Variants in CNTNAP5 observed in about 807,000 individuals in gnomAD.
The protein encoded by CNTNAP5 is contactin-associated protein-like 5.
A neutral mutation model predicts 150.2 loss-of-function variants in CNTNAP5; 72 were observed. That is an observed-to-expected ratio of 0.48 (90% CI 0.40 to 0.58). The LOEUF is 0.58. CNTNAP5 is among the 20% of genes least tolerant of loss of function. The pLI is 0.00. For synonymous variants in CNTNAP5, 672 were observed against 619.8 expected (o/e 1.08, Z -1.25); for missense variants, 1,636 against 1,626.2 (o/e 1.01, Z -0.10).
chr2:124,499,814 G>T (rs367704063), intron 7 of CNTNAP5, among the ~76,000 whole-genome samples: 3 of 152,082 alleles, frequency 2.0e-5, no homozygotes, highest in South Asian at 4.2e-4. Context: ...GAAAAGTAGG[G>T]CCAGGATCTC....
chr2:124,655,139 C>T (rs919923137), intron 13 of CNTNAP5, among the ~76,000 whole-genome samples: 2 of 152,016 alleles, frequency 1.3e-5, no homozygotes, highest in African/African-American at 4.8e-5. Context: ...TGCTCTCTGT[C>T]CCCTTTCCCC....
At chr2:124,368,103 T>A (rs1006764732) in intron 3 of CNTNAP5, among the ~76,000 whole-genome samples, 2 of 152,196 alleles carry the variant, frequency 1.3e-5, no homozygotes, top group Admixed American at 6.6e-5. Flanking sequence ...CACTAGCCCA[T>A]GCGTTAGCCT....
chr2:124,124,861 G>T (rs942996964), intron 1 of CNTNAP5, among the ~76,000 whole-genome samples: 1 of 152,176 alleles, frequency 6.6e-6, no homozygotes, highest in African/African-American at 2.4e-5. Context: ...ACAAACAAAT[G>T]CTGAGAGATT....
intron 3 of CNTNAP5, among the ~76,000 whole-genome samples, chr2:124,243,638 T>A (rs1468052189): frequency 6.6e-6 from 1 of 151,908 alleles, no homozygotes; most frequent in Non-Finnish European, 1.5e-5. Flanking sequence ...GAGGGGAAAA[T>A]AGACACCACA....
intron 3 of CNTNAP5, among the ~76,000 whole-genome samples, chr2:124,410,196 G>A (rs1466549033): frequency 1.7e-4 from 26 of 150,048 alleles, no homozygotes; most frequent in Non-Finnish European, 3.4e-4. Context: ...AAATATATAT[G>A]CACCCAATAC....
chr2:124,543,648 A>G (rs576542849), intron 10 of CNTNAP5, among the ~76,000 whole-genome samples: 304 of 152,334 alleles, frequency 2.0e-3, no homozygotes, highest in Non-Finnish European at 3.4e-3. Flanking sequence ...GATACGGTCC[A>G]TACACTGCCA....
chr2:124,696,755 G>A (rs989464185), intron 13 of CNTNAP5, among the ~76,000 whole-genome samples: 1 of 152,174 alleles, frequency 6.6e-6, no homozygotes, highest in South Asian at 2.1e-4. Context: ...ATTCTCAAAC[G>A]TATGCCCAGT....
intron 13 of CNTNAP5, among the ~76,000 whole-genome samples, chr2:124,666,930 G>A (rs567460711): frequency 2.3e-4 from 24 of 103,022 alleles, no homozygotes; most frequent in Non-Finnish European, 3.6e-4. Flanking sequence ...GTTCAGGATG[G>A]TGCATAACTA....
At position 124,434,625 on chromosome 2, in the gene CNTNAP5, A is replaced by C. The variant is rs1451854488; in HGVS notation, c.671A>C (p.Gln224Pro). The change falls in exon 5 of 24, where the codon CAG becomes CCG. Residue 224 changes from glutamine to proline, a missense_variant. Physicochemically the swap from Gln to Pro is moderately conservative, Grantham distance 76. Coordinates refer to ENST00000682447, the MANE Select transcript of CNTNAP5 (RefSeq NM_001367498.1). Reference protein sequence around the residue: ...GDGVLFHGEGQRGDHITLELQ... With the variant: ...GDGVLFHGEGPRGDHITLELQ... The stretch of plus-strand genomic sequence containing the variant: ...GGGGTCCTGTTCCATGGAGAAGGTC[A>C]GCGTGGAGACCACATCACCTTGGAA... The C allele has an allele frequency of 1.2e-6, 2 of 1,613,902 alleles. No individual in the cohort carries two copies. The highest frequency in any genetic ancestry group is 3.3e-5 in the Admixed American group (2 of 59,996).
At chr2:124,262,761 T>A (rs549972694) in intron 3 of CNTNAP5, among the ~76,000 whole-genome samples, 1 of 151,842 alleles carries the variant, frequency 6.6e-6, no homozygotes, top group Admixed American at 6.6e-5. Context: ...TAACTTGTCA[T>A]TTACATTGGG....
At chr2:124,232,000 T>A (rs1328649323) in intron 2 of CNTNAP5, among the ~76,000 whole-genome samples, 1 of 152,156 alleles carries the variant, frequency 6.6e-6, no homozygotes, top group African/African-American at 2.4e-5. Flanking sequence ...ACTTCATCCT[T>A]TACTTTTTTT....
intron 1 of CNTNAP5, among the ~76,000 whole-genome samples, chr2:124,129,257 A>T (rs2104599808): frequency 6.6e-6 from 1 of 152,318 alleles, no homozygotes; most frequent in East Asian, 1.9e-4. Flanking sequence ...AAAAAAAAGT[A>T]GATGAAGGTG....
chr2:124,755,270 A>G (rs1332943812), intron 14 of CNTNAP5, among the ~76,000 whole-genome samples: 1 of 152,152 alleles, frequency 6.6e-6, no homozygotes, highest in Non-Finnish European at 1.5e-5. Context: ...AGCCTTATAA[A>G]TATACTATCA....
rs60597420 is a variant in CNTNAP5, at chr2:124,688,570, A to G, written c.2077+40612A>G. Among the ~76,000 whole-genome samples, 585 of 152,232 alleles carry G rather than the reference A, an allele frequency of 3.8e-3. 4 individuals are homozygous for G. The highest frequency in any genetic ancestry group is 0.013 in the African/African-American group (553 of 41,570). ...GAATGTTGGGTTCATGAGGAAGCAC[A>G]TGATAATTCAATTAATACAAAAAGG... On this transcript the variant is annotated intron_variant, in intron 13 of 23. Transcript: ENST00000682447.
intron 1 of CNTNAP5, among the ~76,000 whole-genome samples, chr2:124,052,393 G>A (rs147020088): frequency 1.3e-5 from 2 of 152,318 alleles, no homozygotes; most frequent in African/African-American, 4.8e-5. Context: ...ATGCTCAGAT[G>A]TGAGTTAACA....
intron 1 of CNTNAP5, among the ~76,000 whole-genome samples, chr2:124,188,236 A>C (rs1344933122): frequency 1.3e-5 from 2 of 152,336 alleles, no homozygotes; most frequent in East Asian, 3.9e-4. Flanking sequence ...CATAGAAAAC[A>C]AAAGATCCTG....
chr2:124,104,298 G>A (rs1474723439), intron 1 of CNTNAP5, among the ~76,000 whole-genome samples: 6 of 151,770 alleles, frequency 4.0e-5, no homozygotes, highest in Non-Finnish European at 8.8e-5. Context: ...ACATTATTTT[G>A]AGGCAAATTA....
rs1324703329 is a variant in CNTNAP5 at position 124,588,204 on chromosome 2, C to CTT, written c.1757-21595_1757-21594dup. Among the ~76,000 whole-genome samples the CTT allele has an allele frequency of 4.6e-5, 6 of 131,122 alleles. No individual in the cohort carries two copies. In the Admixed American group the frequency reaches 5.1e-4, roughly 11 times the overall value. 86.0% of individuals were successfully genotyped at this position (131,122 alleles called of 152,430 possible). On this transcript the variant is annotated intron_variant, in intron 11 of 23. Coordinates refer to ENST00000682447, the MANE Select transcript of CNTNAP5 (RefSeq NM_001367498.1). Reference sequence around the variant, plus strand: ...TCTTTCTTTCTTTCTTTCTTTCTTTCTTTCTTTCTTTCTTTCTTTCTTTCT... The same window carrying CTT: ...TCTTTCTTTCTTTCTTTCTTTCTTTCTTTTTCTTTCTTTCTTTCTTTCTTTCT...
In CNTNAP5 at chr2:124,609,932, G is replaced by C; in HGVS notation, c.1876+12G>C. The C allele has an allele frequency of 6.2e-7, 1 of 1,610,152 alleles. No homozygotes were observed. The highest frequency in any genetic ancestry group is 8.5e-7 in the Non-Finnish European group (1 of 1,176,900). On this transcript the variant is annotated intron_variant, in intron 12 of 23. Transcript: ENST00000682447. Reference sequence around the variant, plus strand: ...CTGCAATATCACTGGTAAGGGTGCAGTAGCCCTACTCACACTTAACCACCC... The same window carrying C: ...CTGCAATATCACTGGTAAGGGTGCACTAGCCCTACTCACACTTAACCACCC...
Sources: allele counts gnomAD v4.1 joint callset (sites outside exome capture counted in the v4.1 genomes callset), GRCh38; gene constraint gnomAD v4.1.1; transcripts MANE v1.5; gene names NCBI Gene and HGNC (gene_info 2026-07-23, HGNC 2026-07-21).